ZDHHC24: variants seen among roughly 807,000 people sequenced by gnomAD.
ZDHHC24 encodes zDHHC palmitoyltransferase 24, also known as probable palmitoyltransferase ZDHHC24.
ZDHHC24 carries 17 observed loss-of-function variants against 23.2 expected under a neutral mutation model. That is an observed-to-expected ratio of 0.73 (90% CI 0.50 to 1.10). The LOEUF (loss-of-function observed/expected upper bound fraction) is 1.10. ZDHHC24 is among the 50% of genes least tolerant of loss of function. ZDHHC24 has a pLI of 0.00. For synonymous variants in ZDHHC24, 186 were observed against 194.5 expected, an observed-to-expected ratio of 0.96 and a Z score of 0.36; for missense variants, 366 against 393.0, an observed-to-expected ratio of 0.93 and a Z score of 0.58.
chr11:66,522,225 G>C (rs1319870019), intron 4 of ZDHHC24, among the ~76,000 whole-genome samples: 1 of 150,570 alleles, frequency 6.6e-6, no homozygotes, highest in African/African-American at 2.4e-5. Flanking sequence ...CAAAAAAAAA[G>C]AAAAGGAAAC....
chr11:66,533,390 C>T (rs1856859576), downstream of ZDHHC24: 1 of 152,230 alleles, frequency 6.6e-6, no homozygotes, highest in Non-Finnish European at 1.5e-5. Flanking sequence ...TTAAAATGTG[C>T]TTATATGACT....
chr11:66,531,100 G>T, downstream of ZDHHC24: 3 of 1,589,374 alleles, frequency 1.9e-6, no homozygotes, highest in East Asian at 2.3e-5. Context: ...TGCCCACAGA[G>T]CCCCGCCAGG....
chr11:66,539,734 T>A lies in ZDHHC24; in HGVS notation c.650A>T (p.His217Leu), dbSNP rs1425705522. ...ALLCGAGLLF[H>L]GMLLLRGQTT... ...CTGGCCCCGCAGCAGCAGCATCCCATGGAAGAGCAGCCCAGCCCCGCACAG... is the reference window on the plus strand; with the variant it reads ...CTGGCCCCGCAGCAGCAGCATCCCAAGGAAGAGCAGCCCAGCCCCGCACAG... The change falls in exon 3 of 3, where the codon CAT becomes CTT. Residue 217 changes from histidine to leucine, a missense_variant. His to Leu is a moderately conservative substitution (Grantham distance 99). Coordinates refer to ENST00000310442, the MANE Select transcript of ZDHHC24 (RefSeq NM_207340.3). 1 of 1,612,952 alleles carries A rather than the reference T, an allele frequency of 6.2e-7. No individual in the cohort carries two copies. The highest frequency in any genetic ancestry group is 2.2e-5 in the East Asian group (1 of 44,874).
At chr11:66,521,958 C>T (rs985314750) in intron 4 of ZDHHC24, among the ~76,000 whole-genome samples, 8 of 148,326 alleles carry the variant, frequency 5.4e-5, no homozygotes, top group African/African-American at 2.0e-4. Context: ...TTGCCTCACG[C>T]CTGTAATCCC....
chr11:66,525,092 C>CT (rs1402911058), intron 4 of ZDHHC24, among the ~76,000 whole-genome samples: 31 of 151,874 alleles, frequency 2.0e-4, no homozygotes, highest in African/African-American at 7.5e-4. Flanking sequence ...CCCAGCTACT[C>CT]AGGAGGCTGA....
Position 66,529,813 on chromosome 11 carries a change from C to T in ZDHHC24, c.560-325G>A, listed in dbSNP as rs1270460248. 4.3e-6 allele frequency: 7 copies of T among 1,610,894 alleles called. No homozygotes were observed. Among genetic ancestry groups the T allele is most frequent in the Non-Finnish European group, 5.9e-6 (7 of 1,179,968 alleles). On this transcript the variant is annotated intron_variant, in intron 2 of 4. Coordinates refer to the ZDHHC24 transcript ENST00000526986. ...CACCGTCAGCCTCTGGGACCCTTCT[C>T]CACAGCCATGCACCGGGCCTTCCAG...
chr11:66,529,987 A>T (rs1468194863), intron 2 of ZDHHC24: 2 of 1,581,782 alleles, frequency 1.3e-6, no homozygotes, highest in Non-Finnish European at 1.7e-6. Flanking sequence ...TCAGGGCCAG[A>T]GGGGCAGAGG....
At chr11:66,525,148 C>G (rs1220796843) in intron 4 of ZDHHC24, among the ~76,000 whole-genome samples, 3 of 149,214 alleles carry the variant, frequency 2.0e-5, no homozygotes, top group Non-Finnish European at 4.4e-5. Flanking sequence ...TGCAGTGAGC[C>G]GAGATCGCAC....
At chr11:66,523,965 C>T in intron 4 of ZDHHC24, 1 of 1,571,974 alleles carries the variant, frequency 6.4e-7, no homozygotes, top group South Asian at 1.1e-5. Context: ...CTCTTCCGAC[C>T]ACACATTGAT....
At chr11:66,526,687 G>A (rs754254633) in intron 4 of ZDHHC24, 1 of 1,614,220 alleles carries the variant, frequency 6.2e-7, no homozygotes, top group Admixed American at 1.7e-5. Context: ...GCGTACAGCA[G>A]TGTTTGTAGA....
In ZDHHC24 at chr11:66,521,271, T is replaced by C. The variant is rs771506842; in HGVS notation, c.*217A>G. On this transcript the variant is annotated 3_prime_UTR_variant, in exon 5 of 5. Transcript: ENST00000526986. ...AGTGTTTGCGCTTCTTGTTTGCAGA[T>C]GAGCCTTCCCAGCGTCCCCGTCTTC... The C allele has an allele frequency of 3.0e-5, 48 of 1,613,684 alleles. No individual in the cohort carries two copies. The highest frequency in any genetic ancestry group is 1.3e-4 in the Admixed American group (8 of 59,990).
intron 2 of ZDHHC24, among the ~76,000 whole-genome samples, chr11:66,530,587 G>C (rs2134834688): frequency 6.6e-6 from 1 of 152,300 alleles, no homozygotes; most frequent in South Asian, 2.1e-4. Context: ...AACTGATCAA[G>C]CTACCCTAGG....
At chr11:66,528,721 C>T (rs1437217312) in intron 3 of ZDHHC24, among the ~76,000 whole-genome samples, 1 of 152,036 alleles carries the variant, frequency 6.6e-6, no homozygotes. Context: ...GTAATCCCAG[C>T]ACTTTGGGAG....
intron 4 of ZDHHC24, among the ~76,000 whole-genome samples, chr11:66,522,567 C>G (rs1279135185): frequency 6.6e-6 from 1 of 151,998 alleles, no homozygotes; most frequent in Non-Finnish European, 1.5e-5. Flanking sequence ...AGGCTGGTCT[C>G]GAACGCCTGA....
At chr11:66,526,612 G>T (rs767056863) in intron 4 of ZDHHC24, 172 of 1,613,790 alleles carry the variant, frequency 1.1e-4, no homozygotes, top group Non-Finnish European at 1.4e-4. Flanking sequence ...GGTAGAACTG[G>T]GGAGGACAAA....
At position 66,526,121 on chromosome 11, in the gene ZDHHC24, A is replaced by G. The variant is rs761969357; in HGVS notation, c.*21+815T>C. 3 of 1,614,006 alleles carry G rather than the reference A, an allele frequency of 1.9e-6. No homozygotes were observed. Among genetic ancestry groups the G allele is most frequent in the African/African-American group, 2.7e-5 (2 of 74,914 alleles). On this transcript the variant is annotated intron_variant, in intron 4 of 4. Transcript: ENST00000526986. ...CAACTAAACTCTGACGTCTCCACAT[A>G]GGATGCAGTGACCAGCCTTTGCTTT...
At chr11:66,528,687 G>A (rs1489251754) in intron 3 of ZDHHC24, among the ~76,000 whole-genome samples, 4 of 151,944 alleles carry the variant, frequency 2.6e-5, no homozygotes, top group East Asian at 1.9e-4. Context: ...AGACCTTTTC[G>A]GCCAGGTGCG....
exon 4 of ZDHHC24, chr11:66,526,969 C>G: frequency 6.4e-7 from 1 of 1,552,600 alleles, no homozygotes; most frequent in Non-Finnish European, 8.7e-7. Flanking sequence ...AGGAGGTACA[C>G]GTTGCCTGCA....
chr11:66,532,215 T>C, downstream of ZDHHC24: 13 of 667,438 alleles, frequency 1.9e-5, no homozygotes, highest in South Asian at 2.5e-4. Context: ...GGTTAGTGAG[T>C]ACCTAGGGCG....
Sources: gnomAD v4.1 joint callset for allele counts (sites outside exome capture counted in the v4.1 genomes callset) on GRCh38, gnomAD v4.1.1 for gene constraint, MANE v1.5 for transcripts, NCBI Gene and HGNC (gene_info 2026-07-23, HGNC 2026-07-21) for gene names.